Variants in SFMBT2 observed in about 807,000 individuals in gnomAD.
SFMBT2 encodes the protein scm-like with four MBT domains protein 2.
A neutral mutation model predicts 110.1 loss-of-function variants in SFMBT2; 38 were observed. The observed-to-expected ratio is 0.35, with a 90% CI of 0.27 to 0.45. SFMBT2 has a LOEUF of 0.45. SFMBT2 is among the 20% of genes least tolerant of loss of function. The pLI is 1.00. For missense variants in SFMBT2, 1,011 were observed against 1,094.9 expected, an observed-to-expected ratio of 0.92 and a Z score of 1.08; for synonymous variants, 425 against 425.4, an observed-to-expected ratio of 1.00 and a Z score of 0.01.
At chr10:7,214,681 G>A (rs542586583) in intron 11 of SFMBT2, 21 of 985,402 alleles carry the variant, frequency 2.1e-5, no homozygotes, top group Non-Finnish European at 2.5e-5. Context: ...TGTGAAGTTC[G>A]TGGTACAAGG....
chr10:7,316,116 G>A (rs774858599), intron 4 of SFMBT2, among the ~76,000 whole-genome samples: 8 of 152,274 alleles, frequency 5.3e-5, no homozygotes, highest in Non-Finnish European at 1.0e-4. Context: ...GAGCCAAAAC[G>A]CATGACCTCC....
intron 9 of SFMBT2, among the ~76,000 whole-genome samples, chr10:7,239,875 A>G (rs1371035142): frequency 6.6e-6 from 1 of 152,100 alleles, no homozygotes; most frequent in Non-Finnish European, 1.5e-5. Flanking sequence ...TGGTATCTTA[A>G]GTCTGGGGTT....
intron 9 of SFMBT2, among the ~76,000 whole-genome samples, chr10:7,229,903 G>C (rs1013167461): frequency 1.3e-5 from 2 of 151,444 alleles, no homozygotes; most frequent in Non-Finnish European, 2.9e-5. Context: ...ATTTTTCATA[G>C]AGACGAGGTT....
intron 7 of SFMBT2, among the ~76,000 whole-genome samples, chr10:7,270,663 C>T (rs1841551444): frequency 6.6e-6 from 1 of 152,184 alleles, no homozygotes; most frequent in Non-Finnish European, 1.5e-5. Flanking sequence ...GCTCTTAAAG[C>T]ACTCCTTAAT....
chr10:7,275,366 G>T (rs966382184), intron 7 of SFMBT2, among the ~76,000 whole-genome samples: 1 of 152,178 alleles, frequency 6.6e-6, no homozygotes, highest in Non-Finnish European at 1.5e-5. Flanking sequence ...CAGGGGAGAC[G>T]AGGACAGGCT....
In SFMBT2 at chr10:7,228,672, CTTCTTTCTTTCTTTCTTTCT is replaced by C. The variant is rs60421208; in HGVS notation, c.1121-755_1121-736del. ...CCAACTACAGATCCTACTAAAGTGG[CTTCTTTCTTTCTTTCTTTCT>C]TTCTTTCTTTCTTTCTTTCTTTCTT... On this transcript the variant is annotated intron_variant, in intron 9 of 20. Coordinates refer to ENST00000397167, the MANE Select transcript of SFMBT2 (RefSeq NM_001387889.1). Among the ~76,000 whole-genome samples the C allele has an allele frequency of 1.8e-3, 152 of 85,038 alleles. 1 individual carries two copies. The highest frequency in any genetic ancestry group is 4.8e-3 in the African/African-American group (95 of 19,738). The allele number at this position is 85,038 out of a possible 152,430, so 55.8% of individuals were successfully genotyped here. A position where few individuals can be genotyped will look rare whatever the true frequency, so the allele number is the denominator to read the frequency against.
At chr10:7,351,963 A>C (rs1844336805) in intron 4 of SFMBT2, among the ~76,000 whole-genome samples, 1 of 152,080 alleles carries the variant, frequency 6.6e-6, no homozygotes, top group Non-Finnish European at 1.5e-5. Context: ...CGAGAGCAAG[A>C]TTGTGTCAGT....
intron 7 of SFMBT2, among the ~76,000 whole-genome samples, chr10:7,251,417 T>A (rs1840807197): frequency 6.6e-6 from 1 of 151,488 alleles, no homozygotes; most frequent in African/African-American, 2.4e-5. Context: ...GAGGTTGCAA[T>A]GAGCCGAGAT....
chr10:7,232,198 T>C (rs1019030513), intron 9 of SFMBT2, among the ~76,000 whole-genome samples: 3 of 152,238 alleles, frequency 2.0e-5, no homozygotes, highest in Non-Finnish European at 4.4e-5. Flanking sequence ...AAGAGGTTGA[T>C]GACCCATTTC....
In SFMBT2 at chr10:7,202,460, G is replaced by C. The variant is rs1337751742; in HGVS notation, c.1487+20C>G. 6 of 1,613,966 alleles carry C rather than the reference G, an allele frequency of 3.7e-6. No individual in the cohort carries two copies. Among genetic ancestry groups the C allele is most frequent in the Non-Finnish European group, 8.5e-7 (1 of 1,179,992 alleles). On this transcript the variant is annotated intron_variant, in intron 13 of 20. Coordinates refer to ENST00000397167, the MANE Select transcript of SFMBT2 (RefSeq NM_001387889.1). The stretch of plus-strand genomic sequence containing the variant: ...GTTTATCGGTATACAGTGTAGTCTG[G>C]AGGGGAAAAAAGCACGTACTGTTTC...
chr10:7,277,389 C>T (rs997923982), intron 6 of SFMBT2: 1 of 237,788 alleles, frequency 4.2e-6, no homozygotes, highest in African/African-American at 2.3e-5. Flanking sequence ...TTCTAAACTA[C>T]AAACGACTCT....
At chr10:7,291,305 C>A (rs982769289) in intron 4 of SFMBT2, among the ~76,000 whole-genome samples, 2 of 152,242 alleles carry the variant, frequency 1.3e-5, no homozygotes, top group Non-Finnish European at 2.9e-5. Flanking sequence ...CATTTAAACA[C>A]ACAGGGTATT....
At chr10:7,252,682 A>C (rs1840851511) in intron 7 of SFMBT2, among the ~76,000 whole-genome samples, 1 of 152,206 alleles carries the variant, frequency 6.6e-6, no homozygotes, top group Non-Finnish European at 1.5e-5. Flanking sequence ...AATTTTAGAA[A>C]CTAGTTTCCC....
intron 20 of SFMBT2, among the ~76,000 whole-genome samples, chr10:7,166,369 C>A (rs185644162): frequency 6.6e-6 from 1 of 152,318 alleles, no homozygotes; most frequent in East Asian, 1.9e-4. Flanking sequence ...GATGGTGATT[C>A]AATCACCACT....
At position 7,172,229 on chromosome 10, in the gene SFMBT2, C is replaced by T. The variant is rs1005606571; in HGVS notation, c.2152-71G>A. On this transcript the variant is annotated intron_variant, in intron 18 of 20. Transcript: ENST00000397167. This position sits in a 1 kb window ranked among gnomAD's most constrained non-coding sequence, Gnocchi z 4.6. ...CTGTAGCGGTGGCCCCGCGGTCAGA[C>T]CCTGGGCCCAGTGCAGACCACCTAG... 8.0e-6 allele frequency: 12 copies of T among 1,498,946 alleles called. No individual in the cohort carries two copies. The Admixed American group carries it at 2.3e-4, about 29-fold the overall frequency. The allele number at this position is 1,498,946 out of a possible 1,614,324, so 92.9% of individuals were successfully genotyped here. A position where few individuals can be genotyped will look rare whatever the true frequency, so the allele number is the denominator to read the frequency against.
chr10:7,365,414 C>A lies in SFMBT2; in HGVS notation c.436+2235G>T, dbSNP rs554284382. Among the ~76,000 whole-genome samples, 224 of 152,284 alleles carry A rather than the reference C, an allele frequency of 1.5e-3. 3 individuals are homozygous for A. In the South Asian group the frequency reaches 0.017, roughly 11 times the overall value. ...CTTTTACCTTCTTCAGTAAATCACT[C>A]GATTACTCAGTGAATCTTTACTGAG... On this transcript the variant is annotated intron_variant, in intron 4 of 20. Transcript: ENST00000397167.
chr10:7,206,175 T>C, intron 11 of SFMBT2: 1 of 985,270 alleles, frequency 1.0e-6, no homozygotes, highest in Non-Finnish European at 1.2e-6. Flanking sequence ...AACGAAGGTT[T>C]GGAAAAAGAG....
chr10:7,264,354 A>C (rs1166505345), intron 7 of SFMBT2, among the ~76,000 whole-genome samples: 1 of 152,158 alleles, frequency 6.6e-6, no homozygotes, highest in Non-Finnish European at 1.5e-5. Flanking sequence ...ATGTGTGTAT[A>C]ATCTCGATAC....
intron 1 of SFMBT2, among the ~76,000 whole-genome samples, chr10:7,405,555 C>T (rs1846188402): frequency 6.6e-6 from 1 of 152,176 alleles, no homozygotes; most frequent in African/African-American, 2.4e-5. Context: ...AGCACGGTTG[C>T]ACATGGATGT....
Sources: gnomAD v4.1 joint callset for allele counts (sites outside exome capture counted in the v4.1 genomes callset) on GRCh38, gnomAD v4.1.1 for gene constraint, Gnocchi (gnomAD v3.1) non-coding constraint, MANE v1.5 for transcripts, NCBI Gene and HGNC (gene_info 2026-07-23, HGNC 2026-07-21) for gene names.